CPM: variants seen among roughly 807,000 people sequenced by gnomAD.
CPM encodes renal carboxypeptidase.
In CPM, 35 loss-of-function variants were observed where a neutral mutation model predicts 46.4. The observed-to-expected ratio is 0.75, with a 90% CI of 0.58 to 1.00. The LOEUF (loss-of-function observed/expected upper bound fraction) is 1.00, where lower values mean the gene tolerates loss of function less well. CPM is among the 50% of genes least tolerant of loss of function. The pLI is 0.00. For synonymous variants in CPM, 195 were observed against 195.3 expected (o/e 1.00, Z 0.01); for missense variants, 422 against 530.4 (o/e 0.80, Z 2.01).
chr12:68,857,926 A>G (rs1416989396), intron 8 of CPM, among the ~76,000 whole-genome samples: 1 of 152,242 alleles, frequency 6.6e-6, no homozygotes, highest in African/African-American at 2.4e-5. Flanking sequence ...TTAGACAAAG[A>G]TTCACAGTGA....
chr12:68,931,284 T>G (rs776788575), intron 2 of CPM, among the ~76,000 whole-genome samples: 9 of 152,282 alleles, frequency 5.9e-5, no homozygotes, highest in Middle Eastern at 3.4e-3. Flanking sequence ...ATTATGAGAC[T>G]CTCAATTGAC....
chr12:68,902,596 A>G (rs1365269388), intron 2 of CPM, among the ~76,000 whole-genome samples: 3 of 152,104 alleles, frequency 2.0e-5, no homozygotes, highest in African/African-American at 7.2e-5. Context: ...CAGAGGAAAA[A>G]CTCAAGGATT....
chr12:68,961,156 A>T (rs1443658972), intron 1 of CPM, among the ~76,000 whole-genome samples: 1 of 152,084 alleles, frequency 6.6e-6, no homozygotes, highest in African/African-American at 2.4e-5. Context: ...AGTCTTAAAA[A>T]AATTTTTTTT....
chr12:68,892,132 G>A (rs1053547454), intron 2 of CPM, among the ~76,000 whole-genome samples: 22 of 152,194 alleles, frequency 1.4e-4, no homozygotes, highest in Admixed American at 1.4e-3. Flanking sequence ...TAGTCTATCC[G>A]TGGAGTCCCT....
At chr12:68,933,058 GCCT>G in intron 1 of CPM, 81 bp downstream of exon 1, 2 of 477,000 alleles carry the variant, frequency 4.2e-6, no homozygotes, top group East Asian at 3.8e-5. Context: ...AGCCGCCCGC[GCCT>G]CCCTCTCCTC....
upstream of CPM, among the ~76,000 whole-genome samples, chr12:68,937,765 T>C (rs1403426989): frequency 1.3e-5 from 2 of 152,254 alleles, no homozygotes; most frequent in African/African-American, 4.8e-5. Flanking sequence ...TTAATTTTCT[T>C]TTTTACATCT....
chr12:68,939,052 A>G lies in CPM; in HGVS notation c.-3-6212T>C, dbSNP rs1455428084. On this transcript the variant is annotated intron_variant, in intron 1 of 8. Coordinates refer to the CPM transcript ENST00000546373. ...TGTACATACATCTATAAGTATATAC[A>G]TAGATATATGTACATACATCTATAT... Among the ~76,000 whole-genome samples, 10 of 147,292 alleles carry G rather than the reference A, an allele frequency of 6.8e-5. No homozygotes were observed. In the East Asian group the frequency reaches 1.6e-3, roughly 23 times the overall value.
rs80071209 is a variant in CPM, at chr12:68,940,614, C to T, written c.-3-7774G>A. Among the ~76,000 whole-genome samples, 1,308 of 151,290 alleles carry T rather than the reference C, an allele frequency of 8.6e-3. 13 individuals are homozygous for T. Among genetic ancestry groups the T allele is most frequent in the African/African-American group, 0.027 (1,100 of 41,122 alleles). The stretch of plus-strand genomic sequence containing the variant: ...AAGTGTATATGCCCAGAGCACCAGG[C>T]CAGGCAACACATCCTTCTTATTACC... On this transcript the variant is annotated intron_variant, in intron 1 of 8. Transcript: ENST00000546373.
intron 2 of CPM, among the ~76,000 whole-genome samples, chr12:68,899,517 G>C (rs1164240312): frequency 2.6e-5 from 4 of 152,246 alleles, no homozygotes; most frequent in Admixed American, 2.6e-4. Flanking sequence ...AGCCTGGAAA[G>C]CATGTTAAGA....
At chr12:68,863,057 C>T (rs1267174500) in intron 7 of CPM, among the ~76,000 whole-genome samples, 1 of 152,144 alleles carries the variant, frequency 6.6e-6, no homozygotes. Context: ...CTGTTGGCCA[C>T]AATTTAGAGT....
chr12:68,850,647 A>C (rs1884626497), downstream of CPM: 1 of 152,206 alleles, frequency 6.6e-6, no homozygotes, highest in Admixed American at 6.5e-5. Flanking sequence ...GTATTTCAAA[A>C]GCACCTGGAA....
At chr12:68,957,477 C>A in intron 1 of CPM, 1 of 270,130 alleles carries the variant, frequency 3.7e-6, no homozygotes, top group Non-Finnish European at 7.4e-6. Context: ...TTCCAAAATG[C>A]AGTTGAGAAA....
At chr12:68,908,836 G>C (rs1592684202) in intron 2 of CPM, among the ~76,000 whole-genome samples, 1 of 152,044 alleles carries the variant, frequency 6.6e-6, no homozygotes, top group African/African-American at 2.4e-5. Context: ...GAGCTCAAAA[G>C]ACAAGCCACA....
At chr12:68,944,877 A>G (rs1398809188) in intron 1 of CPM, among the ~76,000 whole-genome samples, 1 of 151,476 alleles carries the variant, frequency 6.6e-6, no homozygotes, top group Non-Finnish European at 1.5e-5. Context: ...ATTAGTTGGG[A>G]AAAAAATCAT....
chr12:68,926,613 C>T (rs1284584609), intron 2 of CPM, among the ~76,000 whole-genome samples: 6 of 151,740 alleles, frequency 4.0e-5, no homozygotes. Context: ...GCACAATGTG[C>T]AGGTTAGTTA....
At chr12:68,886,740 C>T (rs971852519) in intron 2 of CPM, among the ~76,000 whole-genome samples, 30 of 152,148 alleles carry the variant, frequency 2.0e-4, no homozygotes, top group Admixed American at 1.4e-3. Context: ...TGTGACACAG[C>T]CCCTTGGGAG....
intron 1 of CPM, among the ~76,000 whole-genome samples, chr12:68,951,616 C>A (rs895854352): frequency 6.6e-6 from 1 of 152,162 alleles, no homozygotes; most frequent in African/African-American, 2.4e-5. Context: ...AGGTTCTCAT[C>A]ATCGTTAGGG....
chr12:68,960,835 G>A (rs10784739), intron 1 of CPM, among the ~76,000 whole-genome samples: 57,664 of 151,808 alleles, frequency 0.38, 12,167 homozygotes, highest in East Asian at 0.57. Flanking sequence ...GACTTGTTCA[G>A]GTGAATTAAC....
chr12:68,949,288 T>C (rs1028859533), intron 1 of CPM, among the ~76,000 whole-genome samples: 1 of 152,200 alleles, frequency 6.6e-6, no homozygotes, highest in Non-Finnish European at 1.5e-5. Context: ...AGAGGATCGC[T>C]TGAGCCCGGG....
Sources: allele counts gnomAD v4.1 joint callset (sites outside exome capture counted in the v4.1 genomes callset), GRCh38; gene constraint gnomAD v4.1.1; transcripts MANE v1.5; gene names NCBI Gene and HGNC (gene_info 2026-07-23, HGNC 2026-07-21).